The following CNTN3 variants were observed in gnomAD, a reference collection of about 807,000 sequenced individuals.
CNTN3 encodes the protein contactin 3.
In CNTN3, 60 loss-of-function variants were observed where a neutral mutation model predicts 119.1. The observed-to-expected ratio is 0.50, with a 90% CI of 0.41 to 0.62. The LOEUF is 0.62. Ranked by LOEUF, CNTN3 falls within the 20% of genes least tolerant of loss-of-function variation. The pLI, the probability that CNTN3 is intolerant of heterozygous loss-of-function variation, is 0.00. For synonymous variants in CNTN3, 450 were observed against 438.7 expected, an observed-to-expected ratio of 1.03 and a Z score of -0.32; for missense variants, 1,101 against 1,242.4, an observed-to-expected ratio of 0.89 and a Z score of 1.71.
intron 4 of CNTN3, 118 bp from the exon 5 acceptor site, chr3:74,425,058 A>G: frequency 1.6e-6 from 1 of 641,744 alleles, no homozygotes; most frequent in Non-Finnish European, 2.7e-6. Context: ...TTCTTTAAAA[A>G]TTTTTATTTT....
At chr3:74,398,456 C>T (rs1221341201) in intron 5 of CNTN3, among the ~76,000 whole-genome samples, 1 of 152,166 alleles carries the variant, frequency 6.6e-6, no homozygotes, top group Non-Finnish European at 1.5e-5. Flanking sequence ...GTTTTTTAGT[C>T]ATAATGCAAT....
intron 13 of CNTN3, among the ~76,000 whole-genome samples, chr3:74,318,011 G>A (rs1342474510): frequency 2.6e-5 from 4 of 152,074 alleles, no homozygotes; most frequent in African/African-American, 2.4e-5. Context: ...ACATAGTCCC[G>A]TATTTCTTGG....
At chr3:74,366,799 T>TATATATATATATATATATATAA (rs1344265725) in intron 8 of CNTN3, among the ~76,000 whole-genome samples, 5 of 134,108 alleles carry the variant, frequency 3.7e-5, no homozygotes, top group African/African-American at 1.4e-4. Flanking sequence ...TATATATATA[T>TATATATATATATATATATATAA]ATATATATAA....
In CNTN3 at chr3:74,366,780, G is replaced by GTGTATATATATATATATATA. The variant is rs1447686332; in HGVS notation, c.947-1079_947-1078insTATATATATATATATATACA. Reference sequence around the variant, plus strand: ...TGTGCGTGTGTGTGTGTGTGTGTGTGTATATATATATATATATATATATAT... The same window carrying GTGTATATATATATATATATA: ...TGTGCGTGTGTGTGTGTGTGTGTGTGTGTATATATATATATATATATATATATATATATATATATATATAT... On this transcript the variant is annotated intron_variant, in intron 8 of 22. Transcript: ENST00000263665. 3.4e-3 allele frequency among the ~76,000 whole-genome samples: 214 copies of GTGTATATATATATATATATA among 63,674 alleles called. 1 individual carries two copies. The highest frequency in any genetic ancestry group is 5.2e-3 in the African/African-American group (61 of 11,752). 41.8% of individuals were successfully genotyped at this position (63,674 alleles called of 152,430 possible). A position where few individuals can be genotyped will look rare whatever the true frequency, so the allele number is the denominator to read the frequency against.
At chr3:74,340,350 T>C (rs974901153) in intron 11 of CNTN3, among the ~76,000 whole-genome samples, 4 of 152,010 alleles carry the variant, frequency 2.6e-5, no homozygotes, top group East Asian at 3.9e-4. Context: ...GAACTGAGAA[T>C]ATGCTTGTAC....
rs753956155 is a variant in CNTN3, at chr3:74,266,568, T to C, written c.2899A>G (p.Lys967Glu). 6.2e-7 allele frequency: 1 copy of C among 1,613,660 alleles called. No homozygotes were observed. The highest frequency in any genetic ancestry group is 8.5e-7 in the Non-Finnish European group (1 of 1,179,628). Residue 967 changes from lysine (K) to glutamate (E), a missense_variant, in exon 22 of 23, where the codon AAA (lysine) becomes GAA (glutamate). Coordinates refer to ENST00000263665, the MANE Select transcript of CNTN3 (RefSeq NM_020872.3). Reference sequence around the variant, plus strand: ...TTGACTTCAATAATGTAGTCCTCTTTAATGGGCAGCACAAGTTCAGCTGAA... The same window carrying C: ...TTGACTTCAATAATGTAGTCCTCTTCAATGGGCAGCACAAGTTCAGCTGAA... ...KTSAELVLPI[K>E]EDYIIEVKAT...
chr3:74,467,029 A>G (rs1366968699), intron 4 of CNTN3, among the ~76,000 whole-genome samples: 1 of 152,124 alleles, frequency 6.6e-6, no homozygotes, highest in Non-Finnish European at 1.5e-5. Context: ...TTTTAAAACT[A>G]TATCTTTTGG....
At chr3:74,398,600 G>A (rs1440071569) in intron 5 of CNTN3, among the ~76,000 whole-genome samples, 1 of 152,172 alleles carries the variant, frequency 6.6e-6, no homozygotes, top group Non-Finnish European at 1.5e-5. Flanking sequence ...TCTGAGATAT[G>A]TCTGTACTTC....
intron 13 of CNTN3, among the ~76,000 whole-genome samples, chr3:74,317,177 T>G (rs1231296541): frequency 1.3e-5 from 2 of 149,166 alleles, no homozygotes; most frequent in Non-Finnish European, 3.0e-5. Flanking sequence ...TTTTTTTGTT[T>G]TCCATTTGCT....
At chr3:74,604,220 C>A (rs1704957496) in intron 1 of CNTN3, among the ~76,000 whole-genome samples, 1 of 152,064 alleles carries the variant, frequency 6.6e-6, no homozygotes, top group Admixed American at 6.6e-5. Context: ...TAGAAGGAAG[C>A]ACAGGGAAAA....
intron 1 of CNTN3, among the ~76,000 whole-genome samples, chr3:74,545,928 C>G (rs1037209176): frequency 2.0e-5 from 3 of 152,096 alleles, no homozygotes; most frequent in Non-Finnish European, 2.9e-5. Context: ...GACATTCAAC[C>G]ACACCATCTC....
chr3:74,560,052 T>A (rs1039214079), intron 1 of CNTN3, among the ~76,000 whole-genome samples: 1 of 152,182 alleles, frequency 6.6e-6, no homozygotes, highest in Admixed American at 6.6e-5. Context: ...ATGTACTGCA[T>A]GACCATAGAG....
chr3:74,583,511 G>C (rs905406692), intron 1 of CNTN3, among the ~76,000 whole-genome samples: 5 of 152,086 alleles, frequency 3.3e-5, no homozygotes, highest in African/African-American at 1.2e-4. Flanking sequence ...GTGAGAACAG[G>C]CAAAACTCTA....
chr3:74,470,474 C>T (rs757817587), intron 4 of CNTN3, among the ~76,000 whole-genome samples: 7 of 152,060 alleles, frequency 4.6e-5, no homozygotes, highest in African/African-American at 1.7e-4. Flanking sequence ...AAAAAGCTGC[C>T]TTCTCTGGGA....
intron 5 of CNTN3, among the ~76,000 whole-genome samples, chr3:74,392,485 A>G (rs1046779526): frequency 5.9e-5 from 9 of 152,204 alleles, no homozygotes; most frequent in African/African-American, 2.2e-4. Context: ...TTAGAACATC[A>G]TAAAAGAATA....
intron 1 of CNTN3, among the ~76,000 whole-genome samples, chr3:74,538,587 C>G (rs1703798080): frequency 6.6e-6 from 1 of 152,024 alleles, no homozygotes; most frequent in African/African-American, 2.4e-5. Flanking sequence ...TGGAGATGCT[C>G]TATTTTATTG....
chr3:74,282,498 ATGTGCTGGGTT>A (rs1475396614), intron 20 of CNTN3, among the ~76,000 whole-genome samples: 1 of 152,160 alleles, frequency 6.6e-6, no homozygotes, highest in African/African-American at 2.4e-5. Flanking sequence ...TGCTGCTCCT[ATGTGCTGGGTT>A]TGTGCTGGGC....
Position 74,334,760 on chromosome 3 carries a change from C to A in CNTN3, c.1643G>T (p.Gly548Val). The change falls in exon 13 of 23, where the codon GGA becomes GTA. Residue 548 changes from glycine to valine, a missense_variant. Physicochemically the swap from Gly to Val is moderately radical, Grantham distance 109 (BLOSUM62 -3). Coordinates refer to ENST00000263665, the MANE Select transcript of CNTN3 (RefSeq NM_020872.3). ...NGALADFKKD[G>V]SHFEKVGGSS... Reference sequence around the variant, plus strand: ...CCCACCAACTTTCTCAAAGTGAGATCCATCTTTCTTAAAATCTGCAAGGGC... The same window carrying A: ...CCCACCAACTTTCTCAAAGTGAGATACATCTTTCTTAAAATCTGCAAGGGC... The A allele has an allele frequency of 6.2e-7, 1 of 1,613,316 alleles. No homozygotes were observed. Among genetic ancestry groups the A allele is most frequent in the Non-Finnish European group, 8.5e-7 (1 of 1,179,534 alleles).
chr3:74,486,222 A>ACACC lies in CNTN3; in HGVS notation c.358+233_358+234insGGTG, dbSNP rs1553671210. Among the ~76,000 whole-genome samples the ACACC allele has an allele frequency of 3.3e-3, 497 of 148,898 alleles. 3 individuals are homozygous for ACACC. Among genetic ancestry groups the ACACC allele is most frequent in the African/African-American group, 0.012 (474 of 39,866 alleles). ...AGAGCACACACACACACACACACAC[A>ACACC]CCCCTACATGCACACATGCACACCA... is the stretch of plus-strand genomic sequence containing the variant. On this transcript the variant is annotated intron_variant, in intron 4 of 22. Transcript: ENST00000263665.
Sources: gnomAD v4.1 joint callset for allele counts (sites outside exome capture counted in the v4.1 genomes callset) on GRCh38, gnomAD v4.1.1 for gene constraint, MANE v1.5 for transcripts, NCBI Gene and HGNC (gene_info 2026-07-23, HGNC 2026-07-21) for gene names.